The following ITGA8 variants were observed in gnomAD, a reference collection of about 807,000 sequenced individuals.
The protein encoded by ITGA8 is integrin subunit alpha 8.
ITGA8 carries 91 observed loss-of-function variants against 142.3 expected under a neutral mutation model. That is an observed-to-expected ratio of 0.64 (90% CI 0.54 to 0.76). The LOEUF (loss-of-function observed/expected upper bound fraction) is 0.76, where lower values mean the gene tolerates loss of function less well. ITGA8 is among the 30% of genes least tolerant of loss of function. The pLI is 0.00. For missense variants in ITGA8, 1,406 were observed against 1,327.7 expected (o/e 1.06, Z -0.92); for synonymous variants, 505 against 485.2 (o/e 1.04, Z -0.54).
intron 27 of ITGA8, among the ~76,000 whole-genome samples, chr10:15,542,590 T>C (rs974012736): frequency 2.0e-5 from 3 of 152,220 alleles, no homozygotes; most frequent in Non-Finnish European, 2.9e-5. Flanking sequence ...TTAAGAGTTA[T>C]AGTTTAGCTA....
intron 14 of ITGA8, among the ~76,000 whole-genome samples, chr10:15,615,765 C>T (rs529445961): frequency 1.9e-3 from 282 of 152,220 alleles, no homozygotes; most frequent in African/African-American, 6.4e-3. Context: ...CCGCCCACCT[C>T]GGCCCCCCAA....
intron 2 of ITGA8, among the ~76,000 whole-genome samples, chr10:15,707,420 G>T (rs1417772932): frequency 2.0e-5 from 3 of 152,166 alleles, no homozygotes; most frequent in Admixed American, 6.5e-5. Flanking sequence ...GCTGGAAAAG[G>T]CAAGGAAATA....
Position 15,605,802 on chromosome 10 carries a change from T to C in ITGA8, c.1903-11A>G. The C allele has an allele frequency of 6.2e-7, 1 of 1,612,152 alleles. No individual in the cohort carries two copies. Among genetic ancestry groups the C allele is most frequent in the Non-Finnish European group, 8.5e-7 (1 of 1,178,370 alleles). ...CACCAGAATGTGAGCCTGTGTTGTA[T>C]AAACGCACGTCAGGAACAATCTAGG... On this transcript the variant is annotated splice_polypyrimidine_tract_variant and intron_variant, in intron 18 of 29. Coordinates refer to ENST00000378076, the MANE Select transcript of ITGA8 (RefSeq NM_003638.3).
chr10:15,604,270 C>A lies in ITGA8; in HGVS notation c.2056G>T (p.Ala686Ser). 1 of 1,613,490 alleles carries A rather than the reference C, an allele frequency of 6.2e-7. No homozygotes were observed. Among genetic ancestry groups the A allele is most frequent in the Non-Finnish European group, 8.5e-7 (1 of 1,179,540 alleles). The change falls in exon 20 of 30, where the codon GCT becomes TCT. Residue 686 changes from alanine (A) to serine (S), a missense_variant. Coordinates refer to ENST00000378076, the MANE Select transcript of ITGA8 (RefSeq NM_003638.3). The stretch of plus-strand genomic sequence containing the variant: ...TCTGGTATCATTACAAAGAGTTCAG[C>A]TTCATATGCTCCTTCCCCTTCATTT... ...ARNEGEGAYE[A>S]ELFVMIPEEA...
chr10:15,694,678 C>CATATATATATATATATATATAT (rs71374639), intron 2 of ITGA8, among the ~76,000 whole-genome samples: 1,102 of 77,330 alleles, frequency 0.014, 44 homozygotes, highest in African/African-American at 0.019. Context: ...TATTTGTCGA[C>CATATATATATATATATATATAT]ATATATATAT....
chr10:15,682,853 CAAAAAA>C (rs3048323), intron 4 of ITGA8, among the ~76,000 whole-genome samples: 3 of 120,174 alleles, frequency 2.5e-5, no homozygotes, highest in African/African-American at 6.4e-5. Context: ...GACCCTGTCT[CAAAAAA>C]AAAAAAAAAA....
chr10:15,677,510 G>A, intron 6 of ITGA8, 82 bp downstream of exon 6: 3 of 1,086,270 alleles, frequency 2.8e-6, no homozygotes, highest in Non-Finnish European at 4.1e-6. Context: ...GTAATAGAAA[G>A]TAAACATTTA....
chr10:15,586,964 C>T (rs1027696415), intron 22 of ITGA8, among the ~76,000 whole-genome samples: 3 of 150,386 alleles, frequency 2.0e-5, no homozygotes, highest in South Asian at 2.1e-4. Context: ...CCCTCTGTTG[C>T]GAGGCTGGAG....
intron 28 of ITGA8, among the ~76,000 whole-genome samples, chr10:15,520,680 C>T (rs1833047375): frequency 6.6e-6 from 1 of 152,232 alleles, no homozygotes; most frequent in South Asian, 2.1e-4. Flanking sequence ...AACCTTTTGT[C>T]AAAGAAAAGA....
chr10:15,627,592 C>T (rs976278244), intron 13 of ITGA8, among the ~76,000 whole-genome samples: 1 of 152,158 alleles, frequency 6.6e-6, no homozygotes, highest in African/African-American at 2.4e-5. Flanking sequence ...ATGAAAGAGG[C>T]CTTTGTTGCT....
intron 3 of ITGA8, among the ~76,000 whole-genome samples, chr10:15,687,034 G>C (rs1184316460): frequency 6.6e-6 from 1 of 152,106 alleles, no homozygotes; most frequent in Non-Finnish European, 1.5e-5. Flanking sequence ...ACAAATTCTG[G>C]AATGTGAAAA....
rs772364845 is a variant in ITGA8, at chr10:15,604,255, T to C, written c.2071A>G (p.Met691Val). ...EGAYEAELFVMIPEEADYVGI... is the reference protein window; with the variant it reads ...EGAYEAELFVVIPEEADYVGI... ...ACATAATCTGCCTCTTCTGGTATCA[T>C]TACAAAGAGTTCAGCTTCATATGCT... The change falls in exon 20 of 30, where the codon ATG becomes GTG. Residue 691 changes from methionine (M) to valine (V), a missense_variant. By Grantham distance (21) the Met-to-Val change is conservative (BLOSUM62 1). Transcript: ENST00000378076. The C allele has an allele frequency of 3.7e-6, 6 of 1,613,708 alleles. No individual in the cohort carries two copies. In the South Asian group the frequency reaches 5.5e-5, roughly 15 times the overall value.
At chr10:15,534,912 C>G (rs1280384831) in intron 27 of ITGA8, among the ~76,000 whole-genome samples, 1 of 152,224 alleles carries the variant, frequency 6.6e-6, no homozygotes, top group Non-Finnish European at 1.5e-5. Flanking sequence ...GTGGGAGCCC[C>G]TTCCTGGGCT....
At chr10:15,613,152 C>CTCCA (rs1833328525) in intron 15 of ITGA8, among the ~76,000 whole-genome samples, 1 of 149,126 alleles carries the variant, frequency 6.7e-6, no homozygotes, top group Non-Finnish European at 1.5e-5. Context: ...CAAAGCAAGA[C>CTCCA]TCCATCTCAA....
intron 21 of ITGA8, chr10:15,596,992 G>A (rs1358372544): frequency 5.5e-6 from 3 of 546,970 alleles, no homozygotes; most frequent in Non-Finnish European, 9.7e-6. Flanking sequence ...TAAAGAGAAA[G>A]CATAGAAGAG....
chr10:15,627,705 C>A (rs1301098366), intron 13 of ITGA8, among the ~76,000 whole-genome samples: 1 of 152,162 alleles, frequency 6.6e-6, no homozygotes, highest in African/African-American at 2.4e-5. Context: ...GTCTGGGGTG[C>A]AGAACCTGGA....
chr10:15,592,001 A>G (rs913464672), intron 22 of ITGA8, among the ~76,000 whole-genome samples: 1 of 152,166 alleles, frequency 6.6e-6, no homozygotes, highest in African/African-American at 2.4e-5. Flanking sequence ...AAATTTTGCT[A>G]TCTCATAACT....
Position 15,548,574 on chromosome 10 carries a change from A to T in ITGA8, c.2767-6T>A, listed in dbSNP as rs770509944. ...CACTCGATATTTGTACAATTCTGCA[A>T]ACAGCAGTGGGAACACGTCAGAGTC... On this transcript the variant is annotated splice_region_variant and splice_polypyrimidine_tract_variant and intron_variant, in intron 26 of 29. Transcript: ENST00000378076. The T allele has an allele frequency of 1.3e-6, 2 of 1,581,014 alleles. No homozygotes were observed. Among genetic ancestry groups the T allele is most frequent in the Non-Finnish European group, 1.7e-6 (2 of 1,152,098 alleles).
At chr10:15,621,782 G>A (rs1228013087) in intron 13 of ITGA8, among the ~76,000 whole-genome samples, 1 of 152,050 alleles carries the variant, frequency 6.6e-6, no homozygotes, top group Non-Finnish European at 1.5e-5. Context: ...TAGGAGGCTC[G>A]CTTGAGCCCA....
Sources: allele counts gnomAD v4.1 joint callset (sites outside exome capture counted in the v4.1 genomes callset), GRCh38; gene constraint gnomAD v4.1.1; transcripts MANE v1.5; gene names NCBI Gene and HGNC (gene_info 2026-07-23, HGNC 2026-07-21).